The following OXR1 variants were observed in gnomAD, a reference collection of about 807,000 sequenced individuals.
The protein encoded by OXR1 is oxidation resistance protein 1.
OXR1 carries 41 observed loss-of-function variants against 104.6 expected under a neutral mutation model. That is an observed-to-expected ratio of 0.39 (90% CI 0.31 to 0.51). The LOEUF is 0.51. Ranked by LOEUF, OXR1 falls within the 20% of genes least tolerant of loss-of-function variation. OXR1 has a pLI of 0.77. For synonymous variants in OXR1, 348 were observed against 348.4 expected (o/e 1.00, Z 0.01); for missense variants, 955 against 1,031.9 (o/e 0.93, Z 1.02).
chr8:106,458,553 C>G (rs866965126), intron 2 of OXR1, among the ~76,000 whole-genome samples: 3 of 152,116 alleles, frequency 2.0e-5, no homozygotes, highest in Non-Finnish European at 2.9e-5. Context: ...AAAGCAATAC[C>G]TAGTGGAGCC....
chr8:106,720,681 T>G (rs1014652991), intron 11 of OXR1: 1 of 956,142 alleles, frequency 1.0e-6, no homozygotes, highest in African/African-American at 1.8e-5. Context: ...ACCACAGGAC[T>G]TCCATCATGT....
chr8:106,657,194 G>A (rs924697920), intron 3 of OXR1, among the ~76,000 whole-genome samples: 8 of 152,146 alleles, frequency 5.3e-5, no homozygotes, highest in African/African-American at 1.4e-4. Flanking sequence ...AAACAGGACT[G>A]GGATCATAGA....
At chr8:106,465,866 A>T (rs745343070) in intron 2 of OXR1, among the ~76,000 whole-genome samples, 3 of 151,944 alleles carry the variant, frequency 2.0e-5, no homozygotes, top group Admixed American at 6.6e-5. Context: ...GAGAATTCTG[A>T]GATTGGTTTC....
chr8:106,449,904 T>C (rs1368436728), intron 2 of OXR1, among the ~76,000 whole-genome samples: 1 of 152,162 alleles, frequency 6.6e-6, no homozygotes, highest in Non-Finnish European at 1.5e-5. Context: ...CACATTTTTC[T>C]TCATGCTTGC....
chr8:106,582,636 A>C (rs1586846220), intron 3 of OXR1, among the ~76,000 whole-genome samples: 1 of 152,350 alleles, frequency 6.6e-6, no homozygotes, highest in East Asian at 1.9e-4. Context: ...ATAATAATGA[A>C]GTTAGAGGAA....
chr8:106,319,130 C>A (rs1291623441), intron 1 of OXR1, among the ~76,000 whole-genome samples: 2 of 152,184 alleles, frequency 1.3e-5, no homozygotes, highest in Non-Finnish European at 2.9e-5. Flanking sequence ...ATATAGCATA[C>A]CATTTTCTTC....
chr8:106,388,220 T>G (rs1817454928), intron 2 of OXR1, among the ~76,000 whole-genome samples: 1 of 152,198 alleles, frequency 6.6e-6, no homozygotes, highest in Non-Finnish European at 1.5e-5. Flanking sequence ...GAATCCTTAT[T>G]TCCCTAGACT....
In OXR1 at chr8:106,702,891, C is replaced by CT; in HGVS notation, c.676-9dup. 6.3e-7 allele frequency: 1 copy of CT among 1,588,822 alleles called. No homozygotes were observed. The highest frequency in any genetic ancestry group is 8.6e-7 in the Non-Finnish European group (1 of 1,165,536). On this transcript the variant is annotated splice_polypyrimidine_tract_variant and intron_variant, in intron 7 of 16. Coordinates refer to ENST00000517566, the MANE Select transcript of OXR1 (RefSeq NM_001198533.2). ...AACCTTGAGGATTAAATGTTACTTT[C>CT]TTTTTTCACCTTAGGGCACAGTCAG...
chr8:106,568,579 T>C (rs1817243376), intron 3 of OXR1, among the ~76,000 whole-genome samples: 1 of 152,126 alleles, frequency 6.6e-6, no homozygotes, highest in Non-Finnish European at 1.5e-5. Context: ...AAGAGAGTTG[T>C]CCCTCCTGCT....
chr8:106,729,692 A>G (rs1012898478), intron 11 of OXR1: 2 of 152,232 alleles, frequency 1.3e-5, no homozygotes, highest in African/African-American at 4.8e-5. Flanking sequence ...CATATATTCA[A>G]TGTAGAATAT....
At chr8:106,706,268 T>C in intron 8 of OXR1, 114 bp from the exon 9 acceptor site, 1 of 638,798 alleles carries the variant, frequency 1.6e-6, no homozygotes, top group South Asian at 2.3e-5. Flanking sequence ...AGATACGTGC[T>C]ACATCCTTTT....
At chr8:106,371,386 G>A (rs1816701297) in intron 2 of OXR1, among the ~76,000 whole-genome samples, 1 of 151,044 alleles carries the variant, frequency 6.6e-6, no homozygotes, top group Admixed American at 6.6e-5. Flanking sequence ...GTTTTTTTGT[G>A]TCTCTATCTC....
intron 3 of OXR1, among the ~76,000 whole-genome samples, chr8:106,603,209 A>G (rs751993822): frequency 3.3e-5 from 5 of 152,186 alleles, no homozygotes; most frequent in Non-Finnish European, 7.3e-5. Flanking sequence ...TCCTGTTGTT[A>G]GTAAGAATGA....
chr8:106,665,591 G>A (rs1826220510), intron 3 of OXR1, among the ~76,000 whole-genome samples: 1 of 152,078 alleles, frequency 6.6e-6, no homozygotes, highest in Non-Finnish European at 1.5e-5. Context: ...ACTTTTTATG[G>A]TAGAAGACAA....
intron 3 of OXR1, among the ~76,000 whole-genome samples, chr8:106,646,348 T>C (rs913592711): frequency 1.3e-5 from 2 of 152,102 alleles, no homozygotes; most frequent in Admixed American, 1.3e-4. Flanking sequence ...CTCAGGGTGA[T>C]CTGCTCACCT....
intron 11 of OXR1, chr8:106,720,726 C>G: frequency 4.1e-6 from 4 of 973,938 alleles, no homozygotes; most frequent in Non-Finnish European, 4.9e-6. Flanking sequence ...AGAGGAAGAT[C>G]AAAAAACATA....
intron 2 of OXR1, among the ~76,000 whole-genome samples, chr8:106,488,427 A>G (rs916977164): frequency 6.7e-6 from 1 of 149,414 alleles, no homozygotes; most frequent in African/African-American, 2.5e-5. Flanking sequence ...TTTTAGTTTA[A>G]TTAGATCCCA....
intron 16 of OXR1, among the ~76,000 whole-genome samples, chr8:106,747,434 A>G (rs1835484058): frequency 6.6e-6 from 1 of 152,216 alleles, no homozygotes; most frequent in Non-Finnish European, 1.5e-5. Context: ...TTCTGATACC[A>G]GGAAGAATTC....
Position 106,740,396 on chromosome 8 carries a change from T to C in OXR1, c.2217T>C (p.Tyr739=). Residue 739 remains tyrosine (Y), a synonymous_variant, in exon 14 of 17, where the codon TAT becomes TAC. Coordinates refer to ENST00000517566, the MANE Select transcript of OXR1 (RefSeq NM_001198533.2). The part of the protein sequence containing the change: ...RTIGYPWTLV[Y]GTGKHGTSLK... ...TTGGCTATCCATGGACTCTTGTTTA[T>C]GGTACTGGAAAACATGGCACAAGCT... 1 of 1,613,254 alleles carries C rather than the reference T, an allele frequency of 6.2e-7. No individual in the cohort carries two copies. The highest frequency in any genetic ancestry group is 8.5e-7 in the Non-Finnish European group (1 of 1,179,408).
Sources: gnomAD v4.1 joint callset for allele counts (sites outside exome capture counted in the v4.1 genomes callset) on GRCh38, gnomAD v4.1.1 for gene constraint, MANE v1.5 for transcripts, NCBI Gene and HGNC (gene_info 2026-07-23, HGNC 2026-07-21) for gene names.